Variants in LAMA1 observed in about 807,000 individuals in gnomAD.
LAMA1 encodes the protein laminin subunit alpha 1.
LAMA1 carries 219 observed loss-of-function variants against 348.7 expected under a neutral mutation model. The ratio of observed to expected loss-of-function variants is 0.63; its 90% CI spans 0.56 to 0.70. The LOEUF (loss-of-function observed/expected upper bound fraction) is 0.70. Ranked by LOEUF, LAMA1 falls within the 30% of genes least tolerant of loss-of-function variation. The pLI, the probability that LAMA1 is intolerant of heterozygous loss-of-function variation, is 0.00. For synonymous variants in LAMA1, 1,487 were observed against 1,491.0 expected (o/e 1.00, Z 0.06); for missense variants, 3,744 against 3,888.0 (o/e 0.96, Z 0.99).
intron 1 of LAMA1, among the ~76,000 whole-genome samples, chr18:7,098,660 C>T (rs1462545703): frequency 6.6e-6 from 1 of 151,260 alleles, no homozygotes; most frequent in Non-Finnish European, 1.5e-5. Flanking sequence ...CGGCAGCCAC[C>T]CAGTCTGGGA....
intron 57 of LAMA1, chr18:6,954,960 C>T (rs1486415663): frequency 6.1e-6 from 2 of 328,982 alleles, no homozygotes; most frequent in East Asian, 7.9e-5. Context: ...GTGTGGCACT[C>T]GGGATTTTGG....
intron 3 of LAMA1, among the ~76,000 whole-genome samples, chr18:7,070,199 A>T (rs1403694893): frequency 6.6e-6 from 1 of 152,210 alleles, no homozygotes; most frequent in African/African-American, 2.4e-5. Flanking sequence ...TTTACCAAGC[A>T]AATTCAAGAA....
At chr18:6,978,453 T>A in intron 42 of LAMA1, 75 bp from the exon 43 acceptor site, 2 of 1,299,710 alleles carry the variant, frequency 1.5e-6, no homozygotes, top group Non-Finnish European at 2.2e-6. Context: ...ACAACAAATG[T>A]AATTTCGCAC....
At chr18:7,087,229 G>A (rs1282541163) in intron 1 of LAMA1, among the ~76,000 whole-genome samples, 1 of 152,178 alleles carries the variant, frequency 6.6e-6, no homozygotes, top group Non-Finnish European at 1.5e-5. Context: ...TAAAATCAAA[G>A]TTCATCAAGT....
chr18:6,994,059 G>A (rs982738216), intron 34 of LAMA1, among the ~76,000 whole-genome samples: 4 of 152,142 alleles, frequency 2.6e-5, no homozygotes, highest in South Asian at 2.1e-4. Context: ...GAGGGCCCTC[G>A]ATTCACTTTA....
intron 1 of LAMA1, among the ~76,000 whole-genome samples, chr18:7,086,751 G>A (rs138455768): frequency 0.012 from 1,754 of 152,248 alleles, 9 homozygotes; most frequent in Non-Finnish European, 0.018. Context: ...GCACGGGACC[G>A]AGCACCTAAA....
At chr18:7,043,628 TG>T (rs2058029704) in intron 7 of LAMA1, among the ~76,000 whole-genome samples, 2 of 152,270 alleles carry the variant, frequency 1.3e-5, no homozygotes, top group South Asian at 4.1e-4. Flanking sequence ...AACCATCTCC[TG>T]GGATTATATT....
intron 54 of LAMA1, 99 bp from the exon 55 acceptor site, chr18:6,958,761 A>G (rs2057592899): frequency 9.6e-7 from 1 of 1,036,464 alleles, no homozygotes; most frequent in Non-Finnish European, 1.5e-6. Context: ...ACTGAATAAT[A>G]AAAGTTCCCT....
At chr18:7,039,968 A>G (rs2058013155) in intron 10 of LAMA1, 108 bp downstream of exon 10, 1 of 1,319,778 alleles carries the variant, frequency 7.6e-7, no homozygotes, top group Non-Finnish European at 1.1e-6. Context: ...AGTTCTGCTT[A>G]AACCTTACCA....
rs376215644 is a variant in LAMA1, at chr18:7,075,203, T to C, written c.345+4772A>G. On this transcript the variant is annotated intron_variant, in intron 3 of 62. Transcript: ENST00000389658. The stretch of plus-strand genomic sequence containing the variant: ...TCTACCTGTAATTTTACTTTAGAAA[T>C]CTATACTTTAGATTTTACATTTTTA... Among the ~76,000 whole-genome samples, 61 of 152,260 alleles carry C rather than the reference T, an allele frequency of 4.0e-4. No homozygotes were observed. The Middle Eastern group carries it at 0.01, about 25-fold the overall frequency.
At position 7,107,452 on chromosome 18, in the gene LAMA1, C is replaced by T. The variant is rs138819969; in HGVS notation, c.61+10208G>A. 4.1e-3 allele frequency among the ~76,000 whole-genome samples: 620 copies of T among 152,114 alleles called. 5 individuals are homozygous for T. Among genetic ancestry groups the T allele is most frequent in the African/African-American group, 0.014 (592 of 41,516 alleles). On this transcript the variant is annotated intron_variant, in intron 1 of 62. Coordinates refer to ENST00000389658, the MANE Select transcript of LAMA1 (RefSeq NM_005559.4). ...CTTTTGATATATGCACTTTTCAGTTCCTTGGACTTCAAAAACAAATACACT... is the reference window on the plus strand; with the variant it reads ...CTTTTGATATATGCACTTTTCAGTTTCTTGGACTTCAAAAACAAATACACT...
chr18:6,962,186 C>A, intron 51 of LAMA1, 127 bp from the exon 52 acceptor site: 1 of 730,000 alleles, frequency 1.4e-6, no homozygotes, highest in Admixed American at 2.1e-5. Flanking sequence ...CTTTGGAAGG[C>A]TGAGGTAGAA....
At chr18:7,033,320 G>T (rs1313454640) in intron 14 of LAMA1, among the ~76,000 whole-genome samples, 2 of 152,054 alleles carry the variant, frequency 1.3e-5, no homozygotes, top group East Asian at 3.9e-4. Flanking sequence ...GCCGGGCGTG[G>T]TGGCATGTGC....
chr18:7,032,149 C>T lies in LAMA1; in HGVS notation c.2191G>A (p.Asp731Asn). 1 of 1,614,100 alleles carries T rather than the reference C, an allele frequency of 6.2e-7. No homozygotes were observed. The highest frequency in any genetic ancestry group is 8.5e-7 in the Non-Finnish European group (1 of 1,179,952). Residue 731 changes from aspartate to asparagine, a missense_variant, in exon 16 of 63, where the codon GAT (aspartate) becomes AAT (asparagine). Asp to Asn is a conservative substitution (Grantham distance 23, BLOSUM62 1). Transcript: ENST00000389658. Reference protein sequence around the residue: ...ESCLSGYYRVDGILFGGICQP... With the variant: ...ESCLSGYYRVNGILFGGICQP... ...CAAATTCCTCCAAAGAGTATTCCAT[C>T]CACGCGGTAATAGCCAGAGAGGCAC...
In LAMA1 at chr18:7,075,304, G is replaced by C. The variant is rs146906932; in HGVS notation, c.345+4671C>G. ...CAGACTGTGAACAAGAAAAGAGGAG[G>C]GGGGGGAAGTTAAAAAAAATTTTTA... On this transcript the variant is annotated intron_variant, in intron 3 of 62. Coordinates refer to ENST00000389658, the MANE Select transcript of LAMA1 (RefSeq NM_005559.4). 6.7e-3 allele frequency among the ~76,000 whole-genome samples: 1,018 copies of C among 152,122 alleles called. 14 individuals are homozygous for C. Among genetic ancestry groups the C allele is most frequent in the African/African-American group, 0.023 (941 of 41,452 alleles).
At chr18:7,080,665 C>A (rs7242435) in intron 1 of LAMA1, among the ~76,000 whole-genome samples, 17,377 of 152,092 alleles carry the variant, frequency 0.11, 2,673 homozygotes, top group African/African-American at 0.35. Context: ...AAAAGTCAAA[C>A]CATTGTTGCA....
At chr18:6,994,028 T>C (rs1415922845) in intron 34 of LAMA1, among the ~76,000 whole-genome samples, 1 of 152,208 alleles carries the variant, frequency 6.6e-6, no homozygotes, top group Non-Finnish European at 1.5e-5. Context: ...AAACTACAGA[T>C]TCTCCTAGTG....
At chr18:7,058,122 A>G (rs1357835411) in intron 3 of LAMA1, among the ~76,000 whole-genome samples, 1 of 152,064 alleles carries the variant, frequency 6.6e-6, no homozygotes, top group African/African-American at 2.4e-5. Context: ...TTATTTCAAT[A>G]CCATGTTCCA....
At position 6,961,587 on chromosome 18, in the gene LAMA1, A is replaced by T; in HGVS notation, c.7625T>A (p.Val2542Glu). Residue 2542 changes from valine (V) to glutamate (E), a missense_variant and splice_region_variant, in exon 53 of 63, where the codon GTG (valine) becomes GAG (glutamate). Val to Glu is a moderately radical substitution (Grantham distance 121, BLOSUM62 -2). Around this residue, in one of 3 missense-constraint regions of LAMA1, gnomAD observed 1,983 missense variants for 1,934.3 expected, o/e 1.03. Coordinates refer to ENST00000389658, the MANE Select transcript of LAMA1 (RefSeq NM_005559.4). ...CTCAGGAGCACTGGCCCTACTCACC[A>T]CGTGTGCTTCCTCACGATCACCCCG... ...EKRGDREEAH[V>E]PFFSVMLIGG... 1 of 1,613,136 alleles carries T rather than the reference A, an allele frequency of 6.2e-7. No individual in the cohort carries two copies. Among genetic ancestry groups the T allele is most frequent in the Non-Finnish European group, 8.5e-7 (1 of 1,179,992 alleles).
Sources: gnomAD v4.1 joint callset for allele counts (sites outside exome capture counted in the v4.1 genomes callset) on GRCh38, gnomAD v4.1.1 for gene constraint, gnomAD v4.1.1 regional missense constraint, MANE v1.5 for transcripts, NCBI Gene and HGNC (gene_info 2026-07-23, HGNC 2026-07-21) for gene names.